The following LARS1 variants were observed in gnomAD, a reference collection of about 807,000 sequenced individuals.
The protein encoded by LARS1 is leucyl-tRNA synthetase 1, also known as leucine--tRNA ligase, cytoplasmic.
In LARS1, 100 loss-of-function variants were observed where a neutral mutation model predicts 162.8. The observed-to-expected ratio is 0.61, with a 90% confidence interval of 0.52 to 0.73. The LOEUF is 0.73. LARS1 is among the 30% of genes least tolerant of loss of function. The pLI is 0.00. For synonymous variants in LARS1, 457 were observed against 462.8 expected, an observed-to-expected ratio of 0.99 and a Z score of 0.16; for missense variants, 1,258 against 1,408.9, an observed-to-expected ratio of 0.89 and a Z score of 1.71.
chr5:146,144,745 T>C (rs763523218), intron 15 of LARS1, 36 bp from the exon 16 acceptor site: 45 of 1,535,746 alleles, frequency 2.9e-5, no homozygotes, highest in South Asian at 3.4e-5. Flanking sequence ...TTAGATACTA[T>C]GTCAAATCAA....
intron 30 of LARS1, 51 bp downstream of exon 30, chr5:146,122,441 G>A: frequency 1.0e-6 from 1 of 976,428 alleles, no homozygotes; most frequent in Non-Finnish European, 1.6e-6. Context: ...TGATCTCTAG[G>A]TCTCTTCTGG....
At chr5:146,154,393 A>G (rs35238125) in intron 10 of LARS1, among the ~76,000 whole-genome samples, 33,889 of 152,184 alleles carry the variant, frequency 0.22, 4,835 homozygotes, top group Admixed American at 0.34. Context: ...CGTAAGGTAT[A>G]AATTTGTTAA....
chr5:146,132,848 C>A (rs774780749), intron 23 of LARS1, 50 bp downstream of exon 23: 11 of 1,373,448 alleles, frequency 8.0e-6, no homozygotes, highest in East Asian at 2.5e-5. Flanking sequence ...CAAAAATGCA[C>A]CAGGACTAAG....
chr5:146,142,846 T>C (rs1452486926), intron 20 of LARS1, 26 bp downstream of exon 20: 1 of 1,558,504 alleles, frequency 6.4e-7, no homozygotes, highest in Non-Finnish European at 8.8e-7. Flanking sequence ...TCAATAAATC[T>C]AGTCCACACC....
chr5:146,176,500 T>G (rs1465747822), intron 2 of LARS1, among the ~76,000 whole-genome samples: 1 of 149,196 alleles, frequency 6.7e-6, no homozygotes, highest in African/African-American at 2.5e-5. Flanking sequence ...AATGAGAGTA[T>G]ACATGTAAAA....
At position 146,128,735 on chromosome 5, in the gene LARS1, A is replaced by T; in HGVS notation, c.2817T>A (p.Tyr939Ter). ...GCCAAGGTGGATAGTTCTTTGCCAC[A>T]TAGATGGTGCAATGTGAGGGCTTCT... ...PLQKPSHCTIYVAKNYPPWQH... is the reference protein window; with the variant it reads ...PLQKPSHCTI The change falls in exon 27 of 32, where the codon TAT (tyrosine) becomes TAA (stop). Residue 939 changes from tyrosine (Y) to a stop codon, truncating the protein, a stop_gained. Coordinates refer to ENST00000394434, the MANE Select transcript of LARS1 (RefSeq NM_020117.11). LOFTEE classifies it high-confidence loss of function. 1 of 1,602,034 alleles carries T rather than the reference A, an allele frequency of 6.2e-7. No individual in the cohort carries two copies. Among genetic ancestry groups the T allele is most frequent in the African/African-American group, 1.3e-5 (1 of 74,122 alleles).
intron 20 of LARS1, among the ~76,000 whole-genome samples, chr5:146,141,183 G>A (rs1005978663): frequency 6.6e-6 from 1 of 152,150 alleles, no homozygotes; most frequent in Non-Finnish European, 1.5e-5. Context: ...GAGTTGTGGA[G>A]CCAATCTCTC....
At chr5:146,129,720 AAATATACAC>A (rs1752196457) in intron 25 of LARS1, among the ~76,000 whole-genome samples, 1 of 139,990 alleles carries the variant, frequency 7.1e-6, no homozygotes, top group Non-Finnish European at 1.6e-5. Flanking sequence ...AAATATACAC[AAATATACAC>A]CTATATCTTT....
chr5:146,161,734 C>G (rs1753789976), intron 6 of LARS1, among the ~76,000 whole-genome samples: 1 of 142,356 alleles, frequency 7.0e-6, no homozygotes, highest in African/African-American at 2.6e-5. Flanking sequence ...GCCTGGGCAA[C>G]AAGAGCAAAA....
chr5:146,164,688 C>A (rs1000673055), intron 5 of LARS1, among the ~76,000 whole-genome samples: 2 of 152,174 alleles, frequency 1.3e-5, no homozygotes, highest in African/African-American at 4.8e-5. Context: ...GCCAAGATAT[C>A]CGCCAAGACA....
chr5:146,160,571 CTCT>C, intron 6 of LARS1, 85 bp from the exon 7 acceptor site: 1 of 610,262 alleles, frequency 1.6e-6, no homozygotes, highest in Non-Finnish European at 2.8e-6. Context: ...CAATTATTTA[CTCT>C]TCTAACTTAG....
In LARS1 at chr5:146,120,494, A is replaced by T. The variant is rs1751770047; in HGVS notation, c.3202T>A (p.Ser1068Thr). Residue 1068 changes from serine to threonine, a missense_variant, in exon 31 of 32, where the codon TCC becomes ACC. Ser to Thr is a moderately conservative substitution (Grantham distance 58). Transcript: ENST00000394434. The stretch of plus-strand genomic sequence containing the variant: ...GGCTGGGGATTCACCAGAGAAACGG[A>T]CACACCAGGCTAGGAAAACAACAAG... ...LNVFRIEPGVSVSLVNPQPSN... is the reference protein window; with the variant it reads ...LNVFRIEPGVTVSLVNPQPSN... 1.2e-6 allele frequency: 2 copies of T among 1,612,706 alleles called. No individual in the cohort carries two copies. The highest frequency in any genetic ancestry group is 2.7e-5 in the African/African-American group (2 of 74,852).
At chr5:146,146,970 C>G (rs976984303) in intron 15 of LARS1, among the ~76,000 whole-genome samples, 1 of 151,990 alleles carries the variant, frequency 6.6e-6, no homozygotes, top group African/African-American at 2.4e-5. Context: ...TCTCAGCCTC[C>G]CAAAGTACTG....
chr5:146,153,619 T>C (rs1373473591), intron 12 of LARS1, 115 bp downstream of exon 12: 11 of 720,508 alleles, frequency 1.5e-5, no homozygotes, highest in South Asian at 1.2e-4. Context: ...AAGTTAGAGA[T>C]AGCAGTTTAA....
At chr5:146,120,264 TAC>T in intron 31 of LARS1, 105 bp downstream of exon 31, 1 of 1,176,226 alleles carries the variant, frequency 8.5e-7, no homozygotes, top group Non-Finnish European at 1.2e-6. Flanking sequence ...TCCATAATAA[TAC>T]ACAGCTGTCC....
chr5:146,134,414 G>A (rs1028851752), intron 22 of LARS1, among the ~76,000 whole-genome samples: 9 of 152,032 alleles, frequency 5.9e-5, no homozygotes, highest in South Asian at 4.1e-4. Flanking sequence ...TTTGGATACA[G>A]TTCCGTCTTT....
intron 27 of LARS1, among the ~76,000 whole-genome samples, chr5:146,127,060 C>G (rs951658956): frequency 6.6e-6 from 1 of 151,922 alleles, no homozygotes; most frequent in Non-Finnish European, 1.5e-5. Flanking sequence ...TCCAAGTGTG[C>G]TTTAAATGAA....
At chr5:146,164,574 A>C in intron 5 of LARS1, 103 bp from the exon 6 acceptor site, 1 of 1,082,966 alleles carries the variant, frequency 9.2e-7, no homozygotes, top group Non-Finnish European at 1.4e-6. Flanking sequence ...TTCTAAAATA[A>C]TGCTGATACA....
intron 2 of LARS1, among the ~76,000 whole-genome samples, chr5:146,173,358 A>G (rs1415021838): frequency 2.0e-5 from 3 of 151,986 alleles, no homozygotes; most frequent in Admixed American, 1.3e-4. Context: ...CTCAAAAAAA[A>G]AAAAATTCTT....
Sources: gnomAD v4.1 joint callset for allele counts (sites outside exome capture counted in the v4.1 genomes callset) on GRCh38, gnomAD v4.1.1 for gene constraint, MANE v1.5 for transcripts, NCBI Gene and HGNC (gene_info 2026-07-23, HGNC 2026-07-21) for gene names.